TFAP2D: variants seen among roughly 807,000 people sequenced by gnomAD.
TFAP2D encodes the protein transcription factor AP-2 delta, also known as transcription factor AP-2-delta.
TFAP2D carries 9 observed loss-of-function variants against 43.6 expected under a neutral mutation model. That is an observed-to-expected ratio of 0.21 (90% CI 0.12 to 0.36). The LOEUF is 0.36. TFAP2D is among the 10% of genes least tolerant of loss of function. The pLI, the probability that TFAP2D is intolerant of heterozygous loss-of-function variation, is 1.00. For synonymous variants in TFAP2D, 256 were observed against 224.9 expected (o/e 1.14, Z -1.24); for missense variants, 513 against 561.4 (o/e 0.91, Z 0.87).
chr6:50,727,667 T>A (rs918230513), intron 3 of TFAP2D, among the ~76,000 whole-genome samples: 10 of 152,346 alleles, frequency 6.6e-5, no homozygotes, highest in Admixed American at 6.5e-4. Flanking sequence ...ACCTCTTTTC[T>A]CTCATAGAAC....
At chr6:50,732,764 T>A (rs1335699363) in intron 5 of TFAP2D, among the ~76,000 whole-genome samples, 1 of 152,076 alleles carries the variant, frequency 6.6e-6, no homozygotes, top group East Asian at 1.9e-4. Flanking sequence ...CAAATGAACA[T>A]TTGTTTTTCA....
chr6:50,739,787 A>G (rs1769011681), intron 5 of TFAP2D, among the ~76,000 whole-genome samples: 1 of 152,220 alleles, frequency 6.6e-6, no homozygotes, highest in African/African-American at 2.4e-5. Context: ...TTCATTTAAC[A>G]AATGTCTACT....
intron 5 of TFAP2D, among the ~76,000 whole-genome samples, chr6:50,733,962 C>T (rs986945905): frequency 2.0e-5 from 3 of 150,318 alleles, no homozygotes; most frequent in African/African-American, 7.4e-5. Context: ...ATCAAATTCT[C>T]TCTCTCTGTC....
intron 6 of TFAP2D, among the ~76,000 whole-genome samples, chr6:50,746,866 G>A (rs2113883759): frequency 6.6e-6 from 1 of 152,188 alleles, no homozygotes; most frequent in African/African-American, 2.4e-5. Context: ...TTGCTGTTCT[G>A]AAAGTACTAG....
In TFAP2D at chr6:50,719,073, C is replaced by A. The variant is rs1405229473; in HGVS notation, c.538-17C>A. On this transcript the variant is annotated splice_polypyrimidine_tract_variant and intron_variant, in intron 2 of 7. Transcript: ENST00000008391. ...AGTATCCATTTAAGTAATTTTATTT[C>A]TGTTTCTTTTATTAAGGGCTCTGTG... The A allele has an allele frequency of 1.2e-6, 2 of 1,612,842 alleles. No homozygotes were observed. Among genetic ancestry groups the A allele is most frequent in the Non-Finnish European group, 1.7e-6 (2 of 1,179,278 alleles).
intron 7 of TFAP2D, 56 bp downstream of exon 7, chr6:50,751,380 C>T (rs1769197562): frequency 8.4e-7 from 1 of 1,185,396 alleles, no homozygotes; most frequent in Non-Finnish European, 1.3e-6. Flanking sequence ...TGCTTGTATT[C>T]CTATCACAGT....
At chr6:50,769,709 A>G (rs1769497877) in intron 7 of TFAP2D, among the ~76,000 whole-genome samples, 1 of 152,184 alleles carries the variant, frequency 6.6e-6, no homozygotes, top group African/African-American at 2.4e-5. Flanking sequence ...CCCACAGAAA[A>G]TGTGATTTCT....
intron 3 of TFAP2D, among the ~76,000 whole-genome samples, chr6:50,723,564 C>T (rs1768763176): frequency 1.3e-5 from 2 of 152,176 alleles, no homozygotes; most frequent in Non-Finnish European, 1.5e-5. Context: ...AGAGATACAC[C>T]TCAAGCCTCG....
chr6:50,760,909 C>T (rs73427161), intron 7 of TFAP2D, among the ~76,000 whole-genome samples: 12 of 150,820 alleles, frequency 8.0e-5, no homozygotes, highest in Non-Finnish European at 4.4e-5. Context: ...GTTCCCCAGA[C>T]TCCCTCTCTA....
At chr6:50,715,668 G>C (rs1768610315) in intron 2 of TFAP2D, 55 bp downstream of exon 2, 1 of 1,521,894 alleles carries the variant, frequency 6.6e-7, no homozygotes, top group Admixed American at 2.0e-5. Flanking sequence ...CCCTCCCCCT[G>C]CCGCCCCATT....
At chr6:50,743,510 T>C (rs1302864905) in intron 5 of TFAP2D, among the ~76,000 whole-genome samples, 1 of 151,868 alleles carries the variant, frequency 6.6e-6, no homozygotes, top group African/African-American at 2.4e-5. Context: ...GACTCCTGAG[T>C]GGCTAGGGAC....
At chr6:50,740,598 A>G (rs1376246179) in intron 5 of TFAP2D, among the ~76,000 whole-genome samples, 1 of 135,754 alleles carries the variant, frequency 7.4e-6, no homozygotes, top group African/African-American at 2.7e-5. Flanking sequence ...ACACCCAGCT[A>G]AATATTTTTT....
intron 7 of TFAP2D, among the ~76,000 whole-genome samples, chr6:50,770,622 C>G (rs1769514201): frequency 6.6e-6 from 1 of 152,076 alleles, no homozygotes; most frequent in African/African-American, 2.4e-5. Flanking sequence ...AACAACAACC[C>G]CACATGGTAG....
Position 50,771,929 on chromosome 6 carries a change from C to T in TFAP2D, c.1140-716C>T, listed in dbSNP as rs138734503. Among the ~76,000 whole-genome samples the T allele has an allele frequency of 9.3e-4, 141 of 152,142 alleles. 3 individuals carry two copies. In the East Asian group the frequency reaches 0.018, roughly 19 times the overall value. On this transcript the variant is annotated intron_variant, in intron 7 of 7. Transcript: ENST00000008391. ...AGGATTATAAATCATGCTGCTATAA[C>T]GACACATGCACACGTATGTTTATTG...
intron 2 of TFAP2D, among the ~76,000 whole-genome samples, chr6:50,716,036 C>T (rs1768623091): frequency 6.6e-6 from 1 of 152,092 alleles, no homozygotes; most frequent in Non-Finnish European, 1.5e-5. Flanking sequence ...CAATCGTACC[C>T]TCAATCTCCG....
chr6:50,714,437 G>A (rs928328807), intron 1 of TFAP2D, among the ~76,000 whole-genome samples: 3 of 152,232 alleles, frequency 2.0e-5, no homozygotes, highest in African/African-American at 7.2e-5. Context: ...GACTGGTGGG[G>A]AAGCAGTAGA....
chr6:50,724,055 C>T (rs1768770300), intron 3 of TFAP2D, among the ~76,000 whole-genome samples: 1 of 152,088 alleles, frequency 6.6e-6, no homozygotes, highest in African/African-American at 2.4e-5. Flanking sequence ...ATTAAGTCCG[C>T]ATCCTTTGCT....
At chr6:50,725,499 G>T (rs1768794688) in intron 3 of TFAP2D, among the ~76,000 whole-genome samples, 1 of 152,176 alleles carries the variant, frequency 6.6e-6, no homozygotes, top group Non-Finnish European at 1.5e-5. Context: ...TGAATACACT[G>T]GCTATAGAAT....
At chr6:50,768,458 CA>C (rs1769477165) in intron 7 of TFAP2D, among the ~76,000 whole-genome samples, 1 of 151,658 alleles carries the variant, frequency 6.6e-6, no homozygotes, top group African/African-American at 2.4e-5. Context: ...ATTGGCATCT[CA>C]AGGCTCTGAG....
Sources: gnomAD v4.1 joint callset for allele counts (sites outside exome capture counted in the v4.1 genomes callset) on GRCh38, gnomAD v4.1.1 for gene constraint, MANE v1.5 for transcripts, NCBI Gene and HGNC (gene_info 2026-07-23, HGNC 2026-07-21) for gene names.